The following DPP6 variants were observed in gnomAD, a reference collection of about 807,000 sequenced individuals.
The protein encoded by DPP6 is dipeptidyl peptidase like 6.
A neutral mutation model predicts 122.6 loss-of-function variants in DPP6; 69 were observed. That is an observed-to-expected ratio of 0.56 (90% CI 0.46 to 0.69). The LOEUF (loss-of-function observed/expected upper bound fraction) is 0.69. DPP6 is among the 30% of genes least tolerant of loss of function. The probability of loss-of-function intolerance (pLI) is 0.00; values close to 1 mark genes in which losing one functional copy is unlikely to be tolerated. For synonymous variants in DPP6, 418 were observed against 433.1 expected (o/e 0.97, Z 0.43); for missense variants, 928 against 1,116.9 (o/e 0.83, Z 2.41).
intron 8 of DPP6, among the ~76,000 whole-genome samples, chr7:154,732,875 G>A (rs1404849161): frequency 1.3e-5 from 2 of 152,178 alleles, no homozygotes; most frequent in African/African-American, 4.8e-5. Flanking sequence ...CCCTTGCGTG[G>A]TTCTAGGACC....
intron 5 of DPP6, among the ~76,000 whole-genome samples, chr7:154,609,213 C>G (rs753546020): frequency 6.6e-6 from 1 of 152,274 alleles, no homozygotes; most frequent in Middle Eastern, 3.4e-3. Context: ...TCCATGTGTA[C>G]GTAATAGGAG....
At chr7:154,110,845 G>A (rs1806521585) in intron 1 of DPP6, among the ~76,000 whole-genome samples, 1 of 151,958 alleles carries the variant, frequency 6.6e-6, no homozygotes, top group Non-Finnish European at 1.5e-5. Context: ...CTGGGGATCA[G>A]TGTCTGGATA....
At chr7:154,640,724 G>A (rs562051618) in intron 6 of DPP6, among the ~76,000 whole-genome samples, 13 of 152,134 alleles carry the variant, frequency 8.5e-5, no homozygotes, top group African/African-American at 2.4e-4. Context: ...GGATCTAGGT[G>A]GGTTTTGGAT....
At chr7:153,909,803 A>G (rs1307011878) in intron 1 of DPP6, among the ~76,000 whole-genome samples, 1 of 152,180 alleles carries the variant, frequency 6.6e-6, no homozygotes, top group Non-Finnish European at 1.5e-5. Context: ...CGGATCCTCC[A>G]GAGGGGACAC....
rs1278972794 is a variant in DPP6, at chr7:154,624,703, A to C, written c.628-13118A>C. On this transcript the variant is annotated intron_variant, in intron 5 of 25. Coordinates refer to ENST00000377770, the MANE Select transcript of DPP6 (RefSeq NM_130797.4). The surrounding 1 kb of genome is among the most constrained non-coding windows in gnomAD (Gnocchi z 4.7). ...GCCCTTGTTAGAAACACATATTTCT[A>C]AGCTCCAAGCCTGGAGCCTAGGAAA... Among the ~76,000 whole-genome samples, 2 of 152,180 alleles carry C rather than the reference A, an allele frequency of 1.3e-5. No individual in the cohort carries two copies. Among genetic ancestry groups the C allele is most frequent in the East Asian group, 3.9e-4 (2 of 5,186 alleles).
At chr7:153,935,419 G>C (rs764703795) in intron 1 of DPP6, among the ~76,000 whole-genome samples, 1 of 152,016 alleles carries the variant, frequency 6.6e-6, no homozygotes, top group Non-Finnish European at 1.5e-5. Flanking sequence ...GAAATCCCAC[G>C]TACACCGGCC....
chr7:154,507,935 C>A (rs890119232), intron 3 of DPP6, among the ~76,000 whole-genome samples: 1 of 146,426 alleles, frequency 6.8e-6, no homozygotes, highest in African/African-American at 2.5e-5. Flanking sequence ...TTTTTCAGAT[C>A]TTGGAGGAAG....
At chr7:154,650,181 C>T (rs1048441824) in intron 6 of DPP6, among the ~76,000 whole-genome samples, 1 of 151,892 alleles carries the variant, frequency 6.6e-6, no homozygotes, top group Non-Finnish European at 1.5e-5. Context: ...AAAAATTAGT[C>T]GGATATGGTG....
the DPP6 span, among the ~76,000 whole-genome samples, chr7:153,824,377 A>G: frequency 2.1e-5 from 2 of 94,684 alleles, no homozygotes; most frequent in East Asian, 3.3e-4. Context: ...ACAGAGGGAG[A>G]GTCTGTCTCA....
At chr7:154,533,433 T>C (rs750198323) in intron 3 of DPP6, among the ~76,000 whole-genome samples, 1 of 152,190 alleles carries the variant, frequency 6.6e-6, no homozygotes, top group Non-Finnish European at 1.5e-5. Context: ...AGAACTTGCA[T>C]CTGTAATTTA....
chr7:154,836,955 C>A (rs1801098470), intron 16 of DPP6, among the ~76,000 whole-genome samples: 1 of 152,228 alleles, frequency 6.6e-6, no homozygotes. Flanking sequence ...GATCTGCCAG[C>A]CTCGGCCTCC....
chr7:154,853,929 G>C lies in DPP6; in HGVS notation c.1714+102G>C, dbSNP rs1584899643. ...GCCCACATTCTCCTACTCAGAGACAGAGGGATGAGTCATGTCCTAGCAGTT... is the reference window on the plus strand; with the variant it reads ...GCCCACATTCTCCTACTCAGAGACACAGGGATGAGTCATGTCCTAGCAGTT... On this transcript the variant is annotated intron_variant, in intron 17 of 25. Coordinates refer to ENST00000377770, the MANE Select transcript of DPP6 (RefSeq NM_130797.4). 2.7e-6 allele frequency: 4 copies of C among 1,476,012 alleles called. No homozygotes were observed. In the South Asian group the frequency reaches 3.5e-5, roughly 13 times the overall value. 91.4% of individuals were successfully genotyped at this position (1,476,012 alleles called of 1,614,324 possible). A position where few individuals can be genotyped will look rare whatever the true frequency, so the allele number is the denominator to read the frequency against.
intron 3 of DPP6, among the ~76,000 whole-genome samples, chr7:154,540,237 T>G (rs765633356): frequency 4.6e-5 from 7 of 152,208 alleles, no homozygotes; most frequent in Non-Finnish European, 8.8e-5. Context: ...CCTTGGAGTA[T>G]CTGCTTTCTT....
At chr7:154,300,925 A>T (rs1351528748) in intron 1 of DPP6, among the ~76,000 whole-genome samples, 1 of 152,176 alleles carries the variant, frequency 6.6e-6, no homozygotes, top group East Asian at 1.9e-4. Context: ...AGTTAAAATG[A>T]GGTCCTATGG....
At chr7:154,626,169 T>C (rs4960555) in intron 5 of DPP6, among the ~76,000 whole-genome samples, 32,347 of 152,080 alleles carry the variant, frequency 0.21, 3,445 homozygotes, top group African/African-American at 0.25. Flanking sequence ...CTCCTAGCAA[T>C]GCTATGGCTG....
the DPP6 span, among the ~76,000 whole-genome samples, chr7:153,810,671 CCT>C: frequency 0.048 from 5,947 of 124,508 alleles, 150 homozygotes; most frequent in African/African-American, 0.079. Flanking sequence ...CTCTCTCTCT[CCT>C]CTCTCTCTCT....
chr7:154,090,012 A>C (rs114906421), intron 1 of DPP6, among the ~76,000 whole-genome samples: 4,035 of 152,324 alleles, frequency 0.026, 190 homozygotes, highest in African/African-American at 0.092. Context: ...AAATACTATA[A>C]GAAAGACAAC....
chr7:154,638,855 C>A (rs1185611906), intron 6 of DPP6, among the ~76,000 whole-genome samples: 1 of 152,296 alleles, frequency 6.6e-6, no homozygotes. Context: ...CTTCTCCTGG[C>A]CTTCCTGTTC....
intron 1 of DPP6, among the ~76,000 whole-genome samples, chr7:154,431,803 G>T (rs1451323927): frequency 6.6e-6 from 1 of 152,068 alleles, no homozygotes; most frequent in African/African-American, 2.4e-5. Context: ...AAAGTGCTGG[G>T]ATTACAGGCG....
Sources: gnomAD v4.1 joint callset for allele counts (sites outside exome capture counted in the v4.1 genomes callset) on GRCh38, gnomAD v4.1.1 for gene constraint, Gnocchi (gnomAD v3.1) non-coding constraint, MANE v1.5 for transcripts, NCBI Gene and HGNC (gene_info 2026-07-23, HGNC 2026-07-21) for gene names.